ULK1: variants seen among roughly 807,000 people sequenced by gnomAD.
The protein encoded by ULK1 is serine/threonine-protein kinase ULK1.
In ULK1, 48 loss-of-function variants were observed where a neutral mutation model predicts 117.5. The ratio of observed to expected loss-of-function variants is 0.41; its 90% CI spans 0.32 to 0.52. The LOEUF (loss-of-function observed/expected upper bound fraction) is 0.52. Ranked by LOEUF, ULK1 falls within the 20% of genes least tolerant of loss-of-function variation. The pLI is 0.29. For synonymous variants in ULK1, 790 were observed against 637.8 expected, an observed-to-expected ratio of 1.24 and a Z score of -3.60; for missense variants, 1,387 against 1,473.4, an observed-to-expected ratio of 0.94 and a Z score of 0.96.
At position 131,921,635 on chromosome 12, in the gene ULK1, G is replaced by C; in HGVS notation, c.*274G>C. 2 of 614,000 alleles carry C rather than the reference G, an allele frequency of 3.3e-6. No homozygotes were observed. The highest frequency in any genetic ancestry group is 5.6e-5 in the East Asian group (2 of 36,030). 38.0% of individuals were successfully genotyped at this position (614,000 alleles called of 1,614,324 possible). On this transcript the variant is annotated 3_prime_UTR_variant, in exon 28 of 28. Transcript: ENST00000321867. ...CAGCTGCCTGGCTCAGCAGGCGTGG[G>C]TGCCACCACCCTCTAGCCCCAGGGC...
chr12:131,896,697 G>C (rs1888887897), intron 3 of ULK1: 1 of 152,426 alleles, frequency 6.6e-6, no homozygotes, highest in East Asian at 1.9e-4. Flanking sequence ...CTGTGTCCTG[G>C]AGCTGGGCCA....
chr12:131,907,479 G>C lies in ULK1; in HGVS notation c.280-16G>C. The stretch of plus-strand genomic sequence containing the variant: ...TGGGCCCTGCTGCAGCCTGATGCGT[G>C]TCTGGTCTCTTGCAGTACTGCAACG... On this transcript the variant is annotated splice_polypyrimidine_tract_variant and intron_variant, in intron 4 of 27. Transcript: ENST00000321867. 2 of 1,612,572 alleles carry C rather than the reference G, an allele frequency of 1.2e-6. No individual in the cohort carries two copies. The highest frequency in any genetic ancestry group is 1.7e-6 in the Non-Finnish European group (2 of 1,179,578).
chr12:131,905,808 C>T (rs534753146), intron 3 of ULK1, among the ~76,000 whole-genome samples: 82 of 152,206 alleles, frequency 5.4e-4, no homozygotes, highest in African/African-American at 1.9e-3. Context: ...GCATGCTGGC[C>T]GTTGGGGTGT....
intron 15 of ULK1, 23 bp from the exon 16 acceptor site, chr12:131,914,329 A>T (rs373124139): frequency 3.1e-6 from 5 of 1,605,604 alleles, no homozygotes; most frequent in African/African-American, 1.3e-5. Context: ...GTCTGTCATG[A>T]TCCTGACCTC....
intron 18 of ULK1, among the ~76,000 whole-genome samples, 171 bp from the exon 19 acceptor site, chr12:131,915,720 G>C (rs1889747800): frequency 1.3e-5 from 2 of 152,122 alleles, no homozygotes; most frequent in Non-Finnish European, 2.9e-5. Context: ...AGTGAGCCGA[G>C]ATCATACCAC....
chr12:131,897,743 GA>G (rs894069771), intron 3 of ULK1: 1 of 146,888 alleles, frequency 6.8e-6, no homozygotes, highest in African/African-American at 2.5e-5. Context: ...CTAAAAAAAA[GA>G]AAAAAAAAGA....
intron 26 of ULK1, 181 bp downstream of exon 26, chr12:131,920,317 G>GGT (rs1890095800): frequency 1.3e-6 from 1 of 768,224 alleles, no homozygotes; most frequent in Admixed American, 3.0e-5. Context: ...AGCTCGGCTG[G>GGT]GTGCATCCTT....
At chr12:131,901,968 C>T (rs1889107858) in intron 3 of ULK1, among the ~76,000 whole-genome samples, 1 of 152,154 alleles carries the variant, frequency 6.6e-6, no homozygotes, top group African/African-American at 2.4e-5. Context: ...GCCACCCACC[C>T]CTGCCTCACT....
At position 131,913,421 on chromosome 12, in the gene ULK1, C is replaced by T. The variant is rs182926432; in HGVS notation, c.1157+163C>T. 2.3e-3 allele frequency among the ~76,000 whole-genome samples: 342 copies of T among 150,766 alleles called. 1 individual carries two copies. Among genetic ancestry groups the T allele is most frequent in the African/African-American group, 7.7e-3 (316 of 41,020 alleles). On this transcript the variant is annotated intron_variant, in intron 14 of 27. Transcript: ENST00000321867. The stretch of plus-strand genomic sequence containing the variant: ...AAAAAAAAAGTAAATGCCGTTGGCC[C>T]GTGGTGGCTCACGCCTGTAATCCCA...
Position 131,910,315 on chromosome 12 carries a change from G to A in ULK1, c.859+11G>A, listed in dbSNP as rs184843206. 1.9e-6 allele frequency: 3 copies of A among 1,613,666 alleles called. No homozygotes were observed. The highest frequency in any genetic ancestry group is 1.7e-5 in the Admixed American group (1 of 60,024). ...CCTCGGTCAGGAAATGTGAGTTTCT[G>A]TGGGTCCTGGGGCTCCGCATGGGCC... On this transcript the variant is annotated intron_variant, in intron 11 of 27. Coordinates refer to ENST00000321867, the MANE Select transcript of ULK1 (RefSeq NM_003565.4).
intron 21 of ULK1, 40 bp downstream of exon 21, chr12:131,917,102 G>GTCGGAGGCTGTGGGATGGGGC (rs1889838692): frequency 3.4e-5 from 20 of 594,766 alleles, no homozygotes; most frequent in Admixed American, 6.7e-5. Flanking sequence ...TGGGATGGGG[G>GTCGGAGGCTGTGGGATGGGGC]TCGGAGGCTG....
In ULK1 at chr12:131,921,403, CA is replaced by C; in HGVS notation, c.*43del. The C allele has an allele frequency of 1.3e-6, 2 of 1,598,994 alleles. No individual in the cohort carries two copies. The highest frequency in any genetic ancestry group is 1.7e-6 in the Non-Finnish European group (2 of 1,179,324). ...GGGCCCCCCGTCCTGCCGAGCCCTG[CA>C]GAGTGGGCTCTGTGTGCTGGCTGGA... On this transcript the variant is annotated 3_prime_UTR_variant, in exon 28 of 28. Coordinates refer to ENST00000321867, the MANE Select transcript of ULK1 (RefSeq NM_003565.4).
At chr12:131,911,097 C>T (rs200950480) in intron 12 of ULK1, among the ~76,000 whole-genome samples, 8 of 152,358 alleles carry the variant, frequency 5.3e-5, no homozygotes, top group Non-Finnish European at 1.0e-4. Flanking sequence ...CTGACACCTG[C>T]ACCCCTGGCC....
chr12:131,901,513 G>A (rs1449154254), intron 3 of ULK1, among the ~76,000 whole-genome samples: 1 of 152,158 alleles, frequency 6.6e-6, no homozygotes, highest in Non-Finnish European at 1.5e-5. Context: ...TCGAGGGCAC[G>A]TCCGTCCTCC....
chr12:131,898,659 G>T (rs1414087115), intron 3 of ULK1, among the ~76,000 whole-genome samples: 1 of 151,128 alleles, frequency 6.6e-6, no homozygotes, highest in Non-Finnish European at 1.5e-5. Flanking sequence ...CTGCCACCAC[G>T]CTAGGCTAAT....
chr12:131,921,108 G>A lies in ULK1; in HGVS notation c.2970G>A (p.Ser990=), dbSNP rs751454599. ...IFSHAVQMVQ[S]AALDEMFQHR... ...TCTGTCCTCGCCCCCAGGTGCAGTC[G>A]GCTGCCCTGGACGAGATGTTCCAGC... The change falls in exon 27 of 28, where the codon TCG becomes TCA. Residue 990 remains serine, a synonymous_variant. Coordinates refer to ENST00000321867, the MANE Select transcript of ULK1 (RefSeq NM_003565.4). The A allele has an allele frequency of 2.3e-5, 36 of 1,595,234 alleles. No individual in the cohort carries two copies. Among genetic ancestry groups the A allele is most frequent in the South Asian group, 3.3e-5 (3 of 90,802 alleles).
intron 13 of ULK1, 132 bp from the exon 14 acceptor site, chr12:131,913,066 C>A: frequency 1.2e-6 from 1 of 808,894 alleles, no homozygotes. Context: ...CTGCCCCCCG[C>A]AAGGCCGCTG....
In ULK1 at chr12:131,921,696, CCGACTCA is replaced by C; in HGVS notation, c.*336_*342del. The stretch of plus-strand genomic sequence containing the variant: ...GACAGGCAAGGGCCTGAGACCACTG[CCGACTCA>C]AAGCCAAAGCGAGCTCCTGCTTAGG... On this transcript the variant is annotated 3_prime_UTR_variant, in exon 28 of 28. Coordinates refer to ENST00000321867, the MANE Select transcript of ULK1 (RefSeq NM_003565.4). 1.7e-6 allele frequency: 1 copy of C among 604,322 alleles called. No individual in the cohort carries two copies. The highest frequency in any genetic ancestry group is 1.7e-5 in the South Asian group (1 of 58,302). 37.4% of individuals were successfully genotyped at this position (604,322 alleles called of 1,614,324 possible).
At position 131,904,543 on chromosome 12, in the gene ULK1, G is replaced by A. The variant is rs753765426; in HGVS notation, c.247-2349G>A. Among the ~76,000 whole-genome samples, 156 of 152,308 alleles carry A rather than the reference G, an allele frequency of 1.0e-3. 1 individual carries two copies. Among genetic ancestry groups the A allele is most frequent in the Admixed American group, 3.3e-3 (51 of 15,304 alleles). On this transcript the variant is annotated intron_variant, in intron 3 of 27. Coordinates refer to ENST00000321867, the MANE Select transcript of ULK1 (RefSeq NM_003565.4). ...TCAGTTAGCACCCCCTGCCCAGAGG[G>A]AGCTCCTGTCCCACACAGCCCGGTC...
Sources: allele counts gnomAD v4.1 joint callset (sites outside exome capture counted in the v4.1 genomes callset), GRCh38; gene constraint gnomAD v4.1.1; transcripts MANE v1.5; gene names NCBI Gene and HGNC (gene_info 2026-07-23, HGNC 2026-07-21).